GSTT4: variants seen among roughly 807,000 people sequenced by gnomAD.
The protein encoded by GSTT4 is glutathione S-transferase theta-4.
downstream of GSTT4, among the ~76,000 whole-genome samples, chr22:23,995,129 T>G (rs537471180): frequency 2.8e-4 from 38 of 135,670 alleles, no homozygotes; most frequent in South Asian, 7.3e-4. Context: ...CAAGTTTTTT[T>G]TTTGTTTGTT....
chr22:23,997,408 G>A (rs1357816036), downstream of GSTT4, among the ~76,000 whole-genome samples: 1 of 151,790 alleles, frequency 6.6e-6, no homozygotes, highest in African/African-American at 2.4e-5. Context: ...ATATTTTTTA[G>A]AAAAAAGTCT....
At chr22:24,002,922 A>G (rs1319999232) in intron 2 of GSTT4, among the ~76,000 whole-genome samples, 1 of 152,122 alleles carries the variant, frequency 6.6e-6, no homozygotes, top group East Asian at 1.9e-4. Flanking sequence ...TTTGAACAGG[A>G]GCCACATATT....
At chr22:23,995,858 G>T (rs140670081), downstream of GSTT4, among the ~76,000 whole-genome samples, 3 of 152,154 alleles carry the variant, frequency 2.0e-5, no homozygotes, top group Non-Finnish European at 4.4e-5. Context: ...AAATGGAAGT[G>T]TGGTTTTAAT....
downstream of GSTT4, among the ~76,000 whole-genome samples, chr22:23,994,079 G>A (rs914793674): frequency 8.5e-5 from 13 of 152,170 alleles, no homozygotes; most frequent in African/African-American, 3.1e-4. Context: ...CCAAATGGAA[G>A]GGCTTTTAGC....
downstream of GSTT4, among the ~76,000 whole-genome samples, chr22:23,997,781 C>G (rs1280761944): frequency 2.0e-5 from 3 of 152,124 alleles, no homozygotes; most frequent in African/African-American, 7.2e-5. Flanking sequence ...CAAGATCATT[C>G]TTCTTTAACT....
chr22:24,003,368 G>A (rs2034278995), intron 2 of GSTT4, among the ~76,000 whole-genome samples: 1 of 152,200 alleles, frequency 6.6e-6, no homozygotes, highest in Non-Finnish European at 1.5e-5. Context: ...AGACCACCAT[G>A]CTGGCTAATT....
Position 24,001,231 on chromosome 22 carries a change from C to G in GSTT4, c.295G>C (p.Val99Leu), listed in dbSNP as rs1311428551. 1 of 150,620 alleles carries G rather than the reference C, an allele frequency of 6.6e-6. No homozygotes were observed. Among genetic ancestry groups the G allele is most frequent in the Non-Finnish European group, 1.5e-5 (1 of 67,706 alleles). 9.3% of individuals were successfully genotyped at this position (150,620 alleles called of 1,614,324 possible). A position where few individuals can be genotyped will look rare whatever the true frequency, so the allele number is the denominator to read the frequency against. ...PHARARVDEF[V>L]AWQHTAFQLP... The stretch of plus-strand genomic sequence containing the variant: ...TGAAAGGCCGTGTGTTGCCAAGCCA[C>G]GAACTCATCCACACGGGCACGTGCG... The change falls in exon 3 of 5, where the codon GTG becomes CTG. Residue 99 changes from valine (V) to leucine (L), a missense_variant. Transcript: ENST00000621179.
chr22:23,992,032 G>A, the GSTT4 span, among the ~76,000 whole-genome samples: 3 of 125,664 alleles, frequency 2.4e-5, no homozygotes, highest in Admixed American at 1.0e-4. Context: ...CAGCCTGGGC[G>A]ACAGAGCCAT....
chr22:23,990,777 A>C, the GSTT4 span, among the ~76,000 whole-genome samples: 121 of 98,078 alleles, frequency 1.2e-3, 3 homozygotes, highest in African/African-American at 3.8e-3. Context: ...TTCTTGCCCC[A>C]CTCCATTTCC....
chr22:23,994,068 G>A (rs1479906446), downstream of GSTT4, among the ~76,000 whole-genome samples: 1 of 152,200 alleles, frequency 6.6e-6, no homozygotes, highest in South Asian at 2.1e-4. Context: ...CTCCAAGATG[G>A]CCAAATGGAA....
chr22:24,004,675 G>A (rs1299266903), intron 1 of GSTT4: 2 of 154,014 alleles, frequency 1.3e-5, no homozygotes, highest in African/African-American at 4.8e-5. Flanking sequence ...AGGGTGCCTG[G>A]TGGGAGCCCA....
At chr22:23,993,878 T>TCTATCGCTGGGCCCA, downstream of GSTT4, among the ~76,000 whole-genome samples, 1 of 143,230 alleles carries the variant, frequency 7.0e-6, no homozygotes, top group South Asian at 2.3e-4. Context: ...ACCTGGGCCA[T>TCTATCGCTGGGCCCA]CGTCTCTCCT....
chr22:23,997,400 A>AT (rs565917418), downstream of GSTT4, among the ~76,000 whole-genome samples: 643 of 151,960 alleles, frequency 4.2e-3, 1 homozygote, highest in Non-Finnish European at 7.9e-3. Flanking sequence ...TAAAAAATAT[A>AT]TTTTTTAGAA....
downstream of GSTT4, among the ~76,000 whole-genome samples, chr22:23,998,046 A>G (rs570650397): frequency 1.4e-3 from 206 of 152,312 alleles, 4 homozygotes; most frequent in South Asian, 0.029. Flanking sequence ...TGTGATTTCA[A>G]TCATCTTAAA....
downstream of GSTT4, among the ~76,000 whole-genome samples, chr22:23,994,508 T>A (rs390743): frequency 7.1e-6 from 1 of 141,808 alleles, no homozygotes; most frequent in Non-Finnish European, 1.6e-5. Context: ...CATTCAAATG[T>A]AATAATGAAA....
chr22:23,996,806 T>A (rs1202780895), downstream of GSTT4, among the ~76,000 whole-genome samples: 1 of 152,212 alleles, frequency 6.6e-6, no homozygotes, highest in East Asian at 1.9e-4. Context: ...TCTTGTAATG[T>A]CTTTTTCTGT....
the GSTT4 span, among the ~76,000 whole-genome samples, chr22:23,991,909 C>T: frequency 0.011 from 1,609 of 143,050 alleles, no homozygotes; most frequent in African/African-American, 0.039. Flanking sequence ...AAAAATTAGC[C>T]GGGCGGGGTG....
At chr22:23,994,521 T>C (rs553185361), downstream of GSTT4, among the ~76,000 whole-genome samples, 7 of 151,378 alleles carry the variant, frequency 4.6e-5, no homozygotes, top group East Asian at 1.2e-3. Context: ...TAATGAAATA[T>C]GTGGCCTTTT....
chr22:24,002,455 C>CCTTGG, intron 2 of GSTT4, among the ~76,000 whole-genome samples: 1 of 152,408 alleles, frequency 6.6e-6, no homozygotes, highest in African/African-American at 2.4e-5. Context: ...CCAGCAGCAA[C>CCTTGG]CATGCCAAGG....
Sources: gnomAD v4.1 joint callset for allele counts (sites outside exome capture counted in the v4.1 genomes callset) on GRCh38, gnomAD v4.1.1 for gene constraint, MANE v1.5 for transcripts, NCBI Gene and HGNC (gene_info 2026-07-23, HGNC 2026-07-21) for gene names.